Variants in CCDC197 observed in about 807,000 individuals in gnomAD.
CCDC197 encodes uncharacterized protein CCDC197.
CCDC197 carries 24 observed loss-of-function variants against 13.4 expected under a neutral mutation model. The observed-to-expected ratio is 1.80, with a 90% confidence interval of 1.30 to 2.53. CCDC197 has a LOEUF of 2.53. Ranked by LOEUF, CCDC197 falls within the 30% of genes most tolerant of loss-of-function variation. The probability of loss-of-function intolerance (pLI) is 0.00; values close to 1 mark genes in which losing one functional copy is unlikely to be tolerated. For synonymous variants in CCDC197, 99 were observed against 55.5 expected, an observed-to-expected ratio of 1.78 and a Z score of -3.48; for missense variants, 255 against 148.8, an observed-to-expected ratio of 1.71 and a Z score of -3.71.
Position 94,003,003 on chromosome 14 carries a change from G to A in CCDC197, c.367-220G>A, listed in dbSNP as rs1397775779. On this transcript the variant is annotated intron_variant, in intron 4 of 6. Coordinates refer to ENST00000636493, the MANE Select transcript of CCDC197 (RefSeq NM_001351596.2). The surrounding 1 kb of genome is among the most constrained non-coding windows in gnomAD (Gnocchi z 5.0). ...GGCAGGCAAGAGAACTTGTGTAGGGGAACTCCCCTTTATAAAATTATCAGG... is the reference window on the plus strand; with the variant it reads ...GGCAGGCAAGAGAACTTGTGTAGGGAAACTCCCCTTTATAAAATTATCAGG... 6.6e-6 allele frequency among the ~76,000 whole-genome samples: 1 copy of A among 152,086 alleles called. No individual in the cohort carries two copies. The highest frequency in any genetic ancestry group is 1.5e-5 in the Non-Finnish European group (1 of 68,008).
upstream of CCDC197, among the ~76,000 whole-genome samples, chr14:93,996,073 A>G (rs1021524332): frequency 3.3e-5 from 5 of 152,016 alleles, no homozygotes; most frequent in African/African-American, 9.7e-5. Context: ...TCCTCGTGAA[A>G]CACCTCGGAC....
At position 94,003,380 on chromosome 14, in the gene CCDC197, G is replaced by A. The variant is rs1346452659; in HGVS notation, c.498+26G>A. On this transcript the variant is annotated intron_variant, in intron 5 of 6. Transcript: ENST00000636493. This position sits in a 1 kb window ranked among gnomAD's most constrained non-coding sequence, Gnocchi z 5.0. The stretch of plus-strand genomic sequence containing the variant: ...GTGAGTCCAGTCTTTCAGCCTGGGG[G>A]TGGGGTTAGGGGTGGGGAAGGGGAA... 7 of 696,474 alleles carry A rather than the reference G, an allele frequency of 1.0e-5. No individual in the cohort carries two copies. Among genetic ancestry groups the A allele is most frequent in the South Asian group, 5.9e-5 (4 of 67,680 alleles). 43.1% of individuals were successfully genotyped at this position (696,474 alleles called of 1,614,324 possible).
intron 1 of CCDC197, chr14:93,987,482 T>G (rs1890118133): frequency 6.5e-6 from 1 of 152,772 alleles, no homozygotes; most frequent in African/African-American, 2.4e-5. Flanking sequence ...CTCCTCTTCC[T>G]CGTGGCTCTG....
At chr14:93,998,903 G>C (rs1224078826) in intron 2 of CCDC197, among the ~76,000 whole-genome samples, 1 of 152,240 alleles carries the variant, frequency 6.6e-6, no homozygotes, top group East Asian at 1.9e-4. Flanking sequence ...CACAGCCCCT[G>C]TTGGACAGTC....
At position 94,003,417 on chromosome 14, in the gene CCDC197, C is replaced by A; in HGVS notation, c.498+63C>A. The stretch of plus-strand genomic sequence containing the variant: ...GTGGGGAAGGGGAAGCTGATGTCTC[C>A]ATCATCAATCCCAAAACACACAGAC... On this transcript the variant is annotated intron_variant, in intron 5 of 6. Transcript: ENST00000636493. The surrounding 1 kb of genome is among the most constrained non-coding windows in gnomAD (Gnocchi z 5.0). 1.5e-6 allele frequency: 1 copy of A among 672,572 alleles called. No homozygotes were observed. The allele number at this position is 672,572 out of a possible 1,614,324, so 41.7% of individuals were successfully genotyped here.
At chr14:93,993,012 C>T (rs921818195), upstream of CCDC197, among the ~76,000 whole-genome samples, 2 of 152,144 alleles carry the variant, frequency 1.3e-5, no homozygotes, top group South Asian at 4.1e-4. Context: ...TACGTCGTGC[C>T]AGGTCTTAGT....
At chr14:94,000,133 A>T (rs928133043) in intron 3 of CCDC197, among the ~76,000 whole-genome samples, 5 of 152,064 alleles carry the variant, frequency 3.3e-5, no homozygotes, top group African/African-American at 1.2e-4. Flanking sequence ...AGTACTGGAA[A>T]CTCATTGGAA....
chr14:94,006,128 G>A (rs1462683188), intron 6 of CCDC197, among the ~76,000 whole-genome samples: 4 of 152,138 alleles, frequency 2.6e-5, no homozygotes, highest in East Asian at 1.9e-4. Flanking sequence ...ATCAATGTAC[G>A]AGGGTTCCAA....
At chr14:93,989,826 T>G (rs974118220) in intron 1 of CCDC197, among the ~76,000 whole-genome samples, 4 of 152,174 alleles carry the variant, frequency 2.6e-5, no homozygotes, top group Non-Finnish European at 5.9e-5. Flanking sequence ...AGGTCGGGCC[T>G]CTTATCTGGA....
At chr14:94,005,070 G>GC (rs1890642886) in intron 6 of CCDC197, 99 bp downstream of exon 6, 11 of 629,774 alleles carry the variant, frequency 1.7e-5, no homozygotes, top group South Asian at 3.7e-5. Flanking sequence ...TTTGTGTTTA[G>GC]CCCCCCATCA....
At chr14:94,010,875 G>T (rs1890796612), downstream of CCDC197, among the ~76,000 whole-genome samples, 1 of 152,214 alleles carries the variant, frequency 6.6e-6, no homozygotes, top group South Asian at 2.1e-4. Flanking sequence ...CCCCAGTGCA[G>T]AGGATTAAGC....
At chr14:93,999,511 C>G (rs1890424354) in intron 2 of CCDC197, 72 bp from the exon 3 acceptor site, 5 of 769,946 alleles carry the variant, frequency 6.5e-6, no homozygotes, top group Non-Finnish European at 9.6e-6. Context: ...AGAGGGTGGT[C>G]CAGGTTCATT....
upstream of CCDC197, among the ~76,000 whole-genome samples, chr14:93,992,957 G>C (rs1890235484): frequency 6.6e-6 from 1 of 152,108 alleles, no homozygotes; most frequent in Admixed American, 6.5e-5. Flanking sequence ...TGGAAGGAGG[G>C]GATAGAGGTA....
At chr14:93,990,254 G>A (rs1249086471) in intron 1 of CCDC197, among the ~76,000 whole-genome samples, 1 of 152,134 alleles carries the variant, frequency 6.6e-6, no homozygotes, top group African/African-American at 2.4e-5. Flanking sequence ...AGGGACTAAG[G>A]GGAATCCTGG....
In CCDC197 at chr14:93,998,025, G is replaced by A; in HGVS notation, c.-107G>A. ...TGGGGATGCTAACCCTGGCTTCCAA[G>A]GATCTGAAGAGGAAGCTGCGGCTGT... is the stretch of plus-strand genomic sequence containing the variant. On this transcript the variant is annotated 5_prime_UTR_variant, in exon 2 of 7. Coordinates refer to ENST00000636493, the MANE Select transcript of CCDC197 (RefSeq NM_001351596.2). 1 of 691,524 alleles carries A rather than the reference G, an allele frequency of 1.4e-6. No individual in the cohort carries two copies. The highest frequency in any genetic ancestry group is 2.7e-6 in the Non-Finnish European group (1 of 375,632). The allele number at this position is 691,524 out of a possible 1,614,324, so 42.8% of individuals were successfully genotyped here.
chr14:94,008,692 C>A lies in CCDC197; in HGVS notation c.699C>A (p.Phe233Leu). The change falls in exon 7 of 7, where the codon TTC becomes TTA. Residue 233 changes from phenylalanine (F) to leucine (L), a missense_variant. Physicochemically the swap from Phe to Leu is conservative, Grantham distance 22. Coordinates refer to ENST00000636493, the MANE Select transcript of CCDC197 (RefSeq NM_001351596.2). ...EPKVCWSWDS[F>L]GDQWLRRHPK... ...AAGTGTGCTGGTCATGGGACAGCTT[C>A]GGGGACCAGTGGCTCAGAAGACACC... 1.4e-6 allele frequency: 1 copy of A among 702,996 alleles called. No individual in the cohort carries two copies. The allele number at this position is 702,996 out of a possible 1,614,324, so 43.5% of individuals were successfully genotyped here.
In CCDC197 at chr14:94,003,313, A is replaced by G. The variant is rs767732329; in HGVS notation, c.457A>G (p.Lys153Glu). The G allele has an allele frequency of 2.6e-6, 2 of 780,256 alleles. No homozygotes were observed. Among genetic ancestry groups the G allele is most frequent in the Non-Finnish European group, 4.8e-6 (2 of 417,812 alleles). 48.3% of individuals were successfully genotyped at this position (780,256 alleles called of 1,614,324 possible). The change falls in exon 5 of 7, where the codon AAG becomes GAG. Residue 153 changes from lysine to glutamate, a missense_variant. Transcript: ENST00000636493. The surrounding 1 kb of genome is among the most constrained non-coding windows in gnomAD (Gnocchi z 5.0). ...GCTGAAGCACAGCATCACTTACCAG[A>G]AGGACATTGACTTTGACACACACAC... ...WQLKHSITYQ[K>E]DIDFDTHTSS...
At chr14:94,004,235 G>A (rs551396935) in intron 5 of CCDC197, among the ~76,000 whole-genome samples, 1 of 152,300 alleles carries the variant, frequency 6.6e-6, no homozygotes, top group Admixed American at 6.5e-5. Context: ...AACAGTCTAT[G>A]TTCTTCTGGC....
intron 1 of CCDC197, among the ~76,000 whole-genome samples, chr14:93,989,279 G>C (rs1287683083): frequency 6.6e-6 from 1 of 152,122 alleles, no homozygotes; most frequent in African/African-American, 2.4e-5. Flanking sequence ...CCAGGTCAGA[G>C]GCATTGCAGC....
Sources: gnomAD v4.1 joint callset for allele counts (sites outside exome capture counted in the v4.1 genomes callset) on GRCh38, gnomAD v4.1.1 for gene constraint, Gnocchi (gnomAD v3.1) non-coding constraint, MANE v1.5 for transcripts, NCBI Gene and HGNC (gene_info 2026-07-23, HGNC 2026-07-21) for gene names.